The following SOAT1 variants were observed in gnomAD, a reference collection of about 807,000 sequenced individuals.
SOAT1 encodes sterol O-acyltransferase 1.
A neutral mutation model predicts 69.5 loss-of-function variants in SOAT1; 55 were observed. That is an observed-to-expected ratio of 0.79 (90% CI 0.64 to 0.99). The LOEUF (loss-of-function observed/expected upper bound fraction) is 0.99. SOAT1 is among the 50% of genes least tolerant of loss of function. SOAT1 has a pLI of 0.00. For missense variants in SOAT1, 580 were observed against 669.3 expected, an observed-to-expected ratio of 0.87 and a Z score of 1.47; for synonymous variants, 231 against 224.7, an observed-to-expected ratio of 1.03 and a Z score of -0.25.
intron 2 of SOAT1, among the ~76,000 whole-genome samples, chr1:179,315,288 A>T (rs4446926): frequency 0.49 from 74,147 of 151,836 alleles, 19,050 homozygotes; most frequent in East Asian, 0.84. Flanking sequence ...TTACAAAAAA[A>T]TTTTTTTTAA....
chr1:179,300,578 A>G (rs1664801568), intron 1 of SOAT1, among the ~76,000 whole-genome samples: 1 of 152,234 alleles, frequency 6.6e-6, no homozygotes, highest in South Asian at 2.1e-4. Flanking sequence ...TACTTTGCCA[A>G]GCTGTGATAG....
At chr1:179,307,371 GTGTT>G (rs1665043750) in intron 2 of SOAT1, among the ~76,000 whole-genome samples, 1 of 152,208 alleles carries the variant, frequency 6.6e-6, no homozygotes, top group Non-Finnish European at 1.5e-5. Flanking sequence ...GAAATGGTCA[GTGTT>G]TGATTACTGT....
intron 10 of SOAT1, among the ~76,000 whole-genome samples, chr1:179,344,364 T>G (rs1666451846): frequency 6.2e-5 from 1 of 16,238 alleles, no homozygotes; most frequent in South Asian, 1.7e-3. Context: ...TTTTTTTTTT[T>G]TTTTTTTTTT....
chr1:179,353,247 AT>A (rs1666809555), intron 15 of SOAT1, among the ~76,000 whole-genome samples: 1 of 135,292 alleles, frequency 7.4e-6, no homozygotes, highest in African/African-American at 2.8e-5. Flanking sequence ...CTTAACCACC[AT>A]TTAGATTTTA....
intron 13 of SOAT1, among the ~76,000 whole-genome samples, chr1:179,349,670 A>G (rs942505503): frequency 3.3e-5 from 5 of 152,102 alleles, no homozygotes; most frequent in Non-Finnish European, 7.3e-5. Context: ...TGGATTTTGT[A>G]TCTCTCCAAT....
intron 2 of SOAT1, among the ~76,000 whole-genome samples, chr1:179,321,491 T>G (rs1665601359): frequency 6.6e-6 from 1 of 152,184 alleles, no homozygotes; most frequent in South Asian, 2.1e-4. Context: ...ATCTTTATCA[T>G]TCATGTTCAC....
At chr1:179,347,738 T>A in intron 12 of SOAT1, 41 bp downstream of exon 12, 2 of 1,145,420 alleles carry the variant, frequency 1.7e-6, no homozygotes, top group Non-Finnish European at 2.6e-6. Flanking sequence ...TACATTTTAT[T>A]AACTTCTTCA....
At position 179,357,564 on chromosome 1, in the gene SOAT1, G is replaced by C. The variant is rs766284615; in HGVS notation, c.*3923G>C. On this transcript the variant is annotated 3_prime_UTR_variant, in exon 16 of 16. Coordinates refer to ENST00000367619, the MANE Select transcript of SOAT1 (RefSeq NM_003101.6). Reference sequence around the variant, plus strand: ...CTTTTGTATCATTATTAAAGTTTCTGTCAGGTAATACAGTGTTGGCCCTCT... The same window carrying C: ...CTTTTGTATCATTATTAAAGTTTCTCTCAGGTAATACAGTGTTGGCCCTCT... 8.1e-6 allele frequency: 1 copy of C among 122,858 alleles called. No homozygotes were observed. The highest frequency in any genetic ancestry group is 8.3e-5 in the Admixed American group (1 of 12,020). The allele number at this position is 122,858 out of a possible 1,614,324, so 7.6% of individuals were successfully genotyped here. A position where few individuals can be genotyped will look rare whatever the true frequency, so the allele number is the denominator to read the frequency against.
chr1:179,335,370 T>G (rs938232513), intron 3 of SOAT1, 136 bp from the exon 4 acceptor site: 1 of 690,724 alleles, frequency 1.4e-6, no homozygotes, highest in African/African-American at 1.8e-5. Flanking sequence ...AGGAATTGAT[T>G]TTTTGCTTTT....
rs147506011 is a variant in SOAT1 at position 179,325,051 on chromosome 1, T to A, written c.177+1556T>A. Among the ~76,000 whole-genome samples the A allele has an allele frequency of 6.8e-3, 1,035 of 152,082 alleles. 18 individuals are homozygous for A. Among genetic ancestry groups the A allele is most frequent in the African/African-American group, 0.024 (994 of 41,494 alleles). ...CTCCTGACCTCGTGATCCTCCTGCC[T>A]TGGCCTCCCAAAGTGCTGGGATTAC... is the stretch of plus-strand genomic sequence containing the variant. On this transcript the variant is annotated intron_variant, in intron 3 of 15. Transcript: ENST00000367619.
At chr1:179,304,849 T>G (rs1364382759) in intron 2 of SOAT1, among the ~76,000 whole-genome samples, 1 of 151,974 alleles carries the variant, frequency 6.6e-6, no homozygotes, top group Non-Finnish European at 1.5e-5. Context: ...GGCTTCAACA[T>G]GTTGGCCAGG....
intron 2 of SOAT1, among the ~76,000 whole-genome samples, chr1:179,314,317 A>AT (rs1665319468): frequency 6.6e-6 from 1 of 152,182 alleles, no homozygotes; most frequent in Non-Finnish European, 1.5e-5. Context: ...AATTGAGTAA[A>AT]TTAGTTACCA....
At chr1:179,304,867 T>A (rs6425526) in intron 2 of SOAT1, among the ~76,000 whole-genome samples, 4 of 151,660 alleles carry the variant, frequency 2.6e-5, no homozygotes, top group Non-Finnish European at 2.9e-5. Context: ...AGGCTGGTCT[T>A]GAACTCTGGC....
intron 11 of SOAT1, 82 bp from the exon 12 acceptor site, chr1:179,347,518 A>G (rs1489090441): frequency 1.2e-5 from 9 of 765,826 alleles, no homozygotes; most frequent in Non-Finnish European, 2.0e-5. Context: ...AATCCCAGCT[A>G]AATAAAATGA....
At chr1:179,318,081 G>C (rs1475179205) in intron 2 of SOAT1, among the ~76,000 whole-genome samples, 9 of 152,006 alleles carry the variant, frequency 5.9e-5, no homozygotes, top group Non-Finnish European at 5.9e-5. Context: ...TATGGTCCCA[G>C]CTAGCGGGGC....
At chr1:179,312,826 C>T (rs1251101064) in intron 2 of SOAT1, among the ~76,000 whole-genome samples, 1 of 152,258 alleles carries the variant, frequency 6.6e-6, no homozygotes, top group Non-Finnish European at 1.5e-5. Context: ...ATGGTAACAG[C>T]TTTCCTGATG....
chr1:179,341,153 CT>C lies in SOAT1; in HGVS notation c.624del (p.Gly209AlafsTer9). On this transcript the variant is annotated frameshift_variant, in exon 7 of 16. Transcript: ENST00000367619. LOFTEE classifies it high-confidence loss of function. ...VPYFLFQHWA[T>X]GYSKSSHPLI... ...TATTTTCTGTTTCAACATTGGGCCA[CT>C]GGCTATAGCAAGAGTTCTCATCCGC... The C allele has an allele frequency of 6.2e-7, 1 of 1,614,140 alleles. No homozygotes were observed. Among genetic ancestry groups the C allele is most frequent in the Non-Finnish European group, 8.5e-7 (1 of 1,180,018 alleles).
intron 2 of SOAT1, among the ~76,000 whole-genome samples, chr1:179,321,988 C>A (rs945726052): frequency 6.6e-6 from 1 of 151,212 alleles, no homozygotes; most frequent in Non-Finnish European, 1.5e-5. Context: ...TTCAAGTGAT[C>A]CTCTCACCTC....
intron 15 of SOAT1, among the ~76,000 whole-genome samples, chr1:179,352,972 C>G (rs904676058): frequency 1.3e-5 from 2 of 150,974 alleles, no homozygotes; most frequent in Non-Finnish European, 2.9e-5. Context: ...GCTTGCTTCC[C>G]TCTCTTTCCT....
Sources: allele counts gnomAD v4.1 joint callset (sites outside exome capture counted in the v4.1 genomes callset), GRCh38; gene constraint gnomAD v4.1.1; transcripts MANE v1.5; gene names NCBI Gene and HGNC (gene_info 2026-07-23, HGNC 2026-07-21).